ERBB4: variants seen among roughly 807,000 people sequenced by gnomAD.
The protein encoded by ERBB4 is receptor tyrosine-protein kinase erbB-4.
In ERBB4, 42 loss-of-function variants were observed where a neutral mutation model predicts 158.0. That is an observed-to-expected ratio of 0.27 (90% confidence interval 0.21 to 0.34). The LOEUF is 0.34. Among genes scored for constraint, ERBB4 ranks in the 10% least tolerant of loss-of-function variants. The probability of loss-of-function intolerance (pLI) is 1.00; values close to 1 mark genes in which losing one functional copy is unlikely to be tolerated. For missense variants in ERBB4, 1,333 were observed against 1,624.1 expected (o/e 0.82, Z 3.08); for synonymous variants, 583 against 558.7 (o/e 1.04, Z -0.61).
intron 1 of ERBB4, among the ~76,000 whole-genome samples, chr2:212,214,534 T>C (rs935664558): frequency 2.6e-5 from 4 of 151,706 alleles, no homozygotes; most frequent in Admixed American, 6.6e-5. Flanking sequence ...TCATTAATAA[T>C]TAGGAAAATA....
At chr2:211,718,413 T>C (rs1243441716) in intron 7 of ERBB4, among the ~76,000 whole-genome samples, 1 of 152,210 alleles carries the variant, frequency 6.6e-6, no homozygotes, top group Admixed American at 6.5e-5. Context: ...TTTTTTGGAT[T>C]TTGTAATATT....
At chr2:211,413,203 T>G (rs2125383416) in intron 25 of ERBB4, among the ~76,000 whole-genome samples, 1 of 150,360 alleles carries the variant, frequency 6.7e-6, no homozygotes, top group South Asian at 2.1e-4. Flanking sequence ...TTCAGGAGGC[T>G]GAGGCAGAAG....
chr2:211,701,175 A>C (rs2073222622), intron 12 of ERBB4, among the ~76,000 whole-genome samples: 1 of 152,246 alleles, frequency 6.6e-6, no homozygotes, highest in Admixed American at 6.5e-5. Context: ...CATTAATAAA[A>C]TAAACTTTCT....
chr2:211,819,003 T>C (rs2076935982), intron 3 of ERBB4, among the ~76,000 whole-genome samples: 1 of 152,118 alleles, frequency 6.6e-6, no homozygotes, highest in South Asian at 2.1e-4. Flanking sequence ...GTCTATCAAA[T>C]TTGAAAATGA....
At chr2:212,204,811 G>T (rs1027422071) in intron 1 of ERBB4, among the ~76,000 whole-genome samples, 5 of 135,404 alleles carry the variant, frequency 3.7e-5, no homozygotes, top group African/African-American at 1.1e-4. Context: ...TTATTTATAT[G>T]AAAACTTTTT....
intron 5 of ERBB4, among the ~76,000 whole-genome samples, chr2:211,727,229 C>T (rs1206004648): frequency 2.6e-5 from 4 of 152,058 alleles, no homozygotes; most frequent in Admixed American, 1.3e-4. Context: ...GGAGTTAGTA[C>T]CCACCTAATA....
At chr2:211,540,427 T>C (rs2066771714) in intron 20 of ERBB4, among the ~76,000 whole-genome samples, 1 of 151,902 alleles carries the variant, frequency 6.6e-6, no homozygotes, top group Admixed American at 6.6e-5. Flanking sequence ...CATGAAAGCA[T>C]CCAGGAGGGG....
rs2077038187 is a variant in ERBB4, at chr2:212,037,273, T to C, written c.234+87479A>G. Among the ~76,000 whole-genome samples, 4 of 152,122 alleles carry C rather than the reference T, an allele frequency of 2.6e-5. No individual in the cohort carries two copies. In the South Asian group the frequency reaches 8.3e-4, roughly 32 times the overall value. On this transcript the variant is annotated intron_variant, in intron 2 of 27. Transcript: ENST00000342788. The stretch of plus-strand genomic sequence containing the variant: ...GCCTAGACCTTTTGTGTCTTCAAGT[T>C]TCCAAGTTCTAAGAACAGCATGGAG...
At chr2:211,469,862 A>C (rs550415747) in intron 20 of ERBB4, among the ~76,000 whole-genome samples, 44 of 152,228 alleles carry the variant, frequency 2.9e-4, no homozygotes, top group African/African-American at 1.0e-3. Context: ...AGGTTGCTCA[A>C]AGCCTCCCAG....
intron 19 of ERBB4, among the ~76,000 whole-genome samples, chr2:211,569,048 T>G (rs2067636396): frequency 6.6e-6 from 1 of 152,168 alleles, no homozygotes; most frequent in Admixed American, 6.5e-5. Context: ...TCCACATTGC[T>G]CAGTAGCCTT....
chr2:212,422,217 C>G (rs1030624481), intron 1 of ERBB4, among the ~76,000 whole-genome samples: 2 of 152,072 alleles, frequency 1.3e-5, no homozygotes, highest in Non-Finnish European at 2.9e-5. Context: ...TAAGAAACAA[C>G]AGGGAAGCCT....
In ERBB4 at chr2:212,127,179, G is replaced by A. The variant is rs181725152; in HGVS notation, c.83-2276C>T. 6.6e-5 allele frequency among the ~76,000 whole-genome samples: 10 copies of A among 152,314 alleles called. No homozygotes were observed. In the East Asian group the frequency reaches 9.6e-4, roughly 15 times the overall value. The stretch of plus-strand genomic sequence containing the variant: ...TTAAGATGAGGTAGGTCATTTGGGT[G>A]TTCCCTAATTCAATATAATGATAAT... On this transcript the variant is annotated intron_variant, in intron 1 of 27. Transcript: ENST00000342788.
chr2:212,497,816 A>T (rs1320572469), intron 1 of ERBB4, among the ~76,000 whole-genome samples: 2 of 152,246 alleles, frequency 1.3e-5, no homozygotes, highest in African/African-American at 4.8e-5. Context: ...CAGTGACCAA[A>T]TTCAGCCAGT....
At chr2:211,751,110 C>T (rs1307737186) in intron 4 of ERBB4, among the ~76,000 whole-genome samples, 2 of 152,000 alleles carry the variant, frequency 1.3e-5, no homozygotes, top group Non-Finnish European at 2.9e-5. Flanking sequence ...AGTAAAGCAA[C>T]AGTTAAAAAT....
chr2:212,188,219 T>C (rs1575770947), intron 1 of ERBB4, among the ~76,000 whole-genome samples: 2 of 32,888 alleles, frequency 6.1e-5, no homozygotes, highest in African/African-American at 1.1e-4. Flanking sequence ...TCTCTCTCTC[T>C]CTCTCTCTCT....
intron 2 of ERBB4, among the ~76,000 whole-genome samples, chr2:212,065,195 C>G (rs1363397359): frequency 2.6e-5 from 4 of 151,952 alleles, no homozygotes; most frequent in Non-Finnish European, 5.9e-5. Flanking sequence ...TTCAAAGAGA[C>G]GTGTTTAGAC....
At chr2:211,632,243 C>G (rs892061761) in intron 16 of ERBB4, among the ~76,000 whole-genome samples, 7 of 151,936 alleles carry the variant, frequency 4.6e-5, no homozygotes, top group Non-Finnish European at 7.4e-5. Flanking sequence ...GAAAAAAATT[C>G]TTCATTGTGA....
chr2:212,064,731 T>C (rs911535085), intron 2 of ERBB4, among the ~76,000 whole-genome samples: 3 of 151,940 alleles, frequency 2.0e-5, no homozygotes, highest in African/African-American at 7.3e-5. Context: ...GAAATAGGCA[T>C]TGACACATAG....
chr2:212,402,812 T>A (rs2091246178), intron 1 of ERBB4, among the ~76,000 whole-genome samples: 1 of 152,090 alleles, frequency 6.6e-6, no homozygotes, highest in East Asian at 1.9e-4. Context: ...AAAACATTTT[T>A]ATATAGTTTT....
Sources: gnomAD v4.1 joint callset for allele counts (sites outside exome capture counted in the v4.1 genomes callset) on GRCh38, gnomAD v4.1.1 for gene constraint, MANE v1.5 for transcripts, NCBI Gene and HGNC (gene_info 2026-07-23, HGNC 2026-07-21) for gene names.